STXBP5L: variants seen among roughly 807,000 people sequenced by gnomAD.
STXBP5L encodes the protein syntaxin binding protein 5L.
In STXBP5L, 65 loss-of-function variants were observed where a neutral mutation model predicts 144.5. The observed-to-expected ratio is 0.45, with a 90% CI of 0.37 to 0.55. STXBP5L has a LOEUF of 0.55. Ranked by LOEUF, STXBP5L falls within the 20% of genes least tolerant of loss-of-function variation. STXBP5L has a pLI of 0.00. For missense variants in STXBP5L, 1,298 were observed against 1,405.5 expected (o/e 0.92, Z 1.22); for synonymous variants, 505 against 469.6 (o/e 1.08, Z -0.97).
At chr3:121,014,929 A>T (rs896415881) in intron 3 of STXBP5L, among the ~76,000 whole-genome samples, 1 of 152,104 alleles carries the variant, frequency 6.6e-6, no homozygotes, top group Admixed American at 6.6e-5. Context: ...TGATAAAAAT[A>T]ATAAAGTACT....
chr3:121,204,446 A>T (rs963891086), intron 9 of STXBP5L, among the ~76,000 whole-genome samples: 2 of 152,188 alleles, frequency 1.3e-5, no homozygotes, highest in African/African-American at 4.8e-5. Flanking sequence ...GCAATTTCAG[A>T]AAGCATGCCA....
At chr3:121,154,488 C>T (rs1034627985) in intron 8 of STXBP5L, among the ~76,000 whole-genome samples, 2 of 151,772 alleles carry the variant, frequency 1.3e-5, no homozygotes, top group Non-Finnish European at 3.0e-5. Context: ...ATTCACTTGT[C>T]TGTGTCTTTC....
chr3:121,107,395 A>G (rs1046014254), intron 5 of STXBP5L, among the ~76,000 whole-genome samples: 1 of 152,078 alleles, frequency 6.6e-6, no homozygotes, highest in Middle Eastern at 3.4e-3. Context: ...TTTTTTTATA[A>G]GTTTTAAGGA....
chr3:121,045,396 A>T lies in STXBP5L; in HGVS notation c.370-39A>T, dbSNP rs566220779. Reference sequence around the variant, plus strand: ...TTGTGATTAAAAAAACCCTAAATTAAGTAAATCACACACTTACTTTATCTT... The same window carrying T: ...TTGTGATTAAAAAAACCCTAAATTATGTAAATCACACACTTACTTTATCTT... On this transcript the variant is annotated intron_variant, in intron 4 of 26. Coordinates refer to ENST00000471454, the MANE Select transcript of STXBP5L (RefSeq NM_001308330.2). 8.4e-6 allele frequency: 13 copies of T among 1,552,802 alleles called. No individual in the cohort carries two copies. The South Asian group carries it at 1.6e-4, about 19-fold the overall frequency.
chr3:121,344,019 C>G (rs1290235269), intron 20 of STXBP5L, among the ~76,000 whole-genome samples: 1 of 152,022 alleles, frequency 6.6e-6, no homozygotes, highest in Non-Finnish European at 1.5e-5. Flanking sequence ...CTACAGTAAC[C>G]AAAACAGCAT....
intron 7 of STXBP5L, among the ~76,000 whole-genome samples, chr3:121,126,848 T>C (rs1418261808): frequency 6.6e-6 from 1 of 152,218 alleles, no homozygotes; most frequent in Non-Finnish European, 1.5e-5. Flanking sequence ...TTCTTGGCTT[T>C]TTCAGAGGCT....
chr3:121,418,870 A>G (rs552527514), intron 26 of STXBP5L, among the ~76,000 whole-genome samples, 186 bp from the exon 27 acceptor site: 1 of 152,254 alleles, frequency 6.6e-6, no homozygotes, highest in Admixed American at 6.5e-5. Flanking sequence ...CTATCAGCTG[A>G]GTCTTTACAG....
chr3:121,008,177 C>T (rs1348540949), intron 3 of STXBP5L, among the ~76,000 whole-genome samples: 2 of 151,914 alleles, frequency 1.3e-5, no homozygotes, highest in African/African-American at 4.8e-5. Context: ...TAGTACTGGG[C>T]ATCGACGCCT....
intron 7 of STXBP5L, among the ~76,000 whole-genome samples, chr3:121,140,022 C>A (rs1023074218): frequency 6.6e-6 from 1 of 152,042 alleles, no homozygotes; most frequent in Admixed American, 6.6e-5. Flanking sequence ...GGAAGAATGA[C>A]ATGAAACACT....
At chr3:121,384,290 G>A (rs1389186278) in intron 22 of STXBP5L, among the ~76,000 whole-genome samples, 1 of 152,140 alleles carries the variant, frequency 6.6e-6, no homozygotes. Context: ...GGGGATTTGG[G>A]GAAGAGCTCC....
chr3:121,005,744 A>T (rs543903493), intron 3 of STXBP5L, among the ~76,000 whole-genome samples: 1 of 152,278 alleles, frequency 6.6e-6, no homozygotes, highest in Non-Finnish European at 1.5e-5. Flanking sequence ...AGATTCTGGT[A>T]TGTTGTATCT....
chr3:121,208,756 G>T (rs552033062), intron 10 of STXBP5L, among the ~76,000 whole-genome samples: 54 of 151,938 alleles, frequency 3.6e-4, no homozygotes, highest in Admixed American at 7.2e-4. Flanking sequence ...TATTTTATGG[G>T]TTTTTTTCAC....
intron 3 of STXBP5L, among the ~76,000 whole-genome samples, chr3:120,989,384 G>C (rs572645611): frequency 2.0e-5 from 3 of 151,992 alleles, no homozygotes; most frequent in Non-Finnish European, 4.4e-5. Flanking sequence ...CTGATGATTT[G>C]TGATATTGAG....
chr3:121,234,330 T>A (rs2049401785), intron 12 of STXBP5L, among the ~76,000 whole-genome samples: 1 of 152,196 alleles, frequency 6.6e-6, no homozygotes, highest in Admixed American at 6.6e-5. Context: ...TGTCTCTCCT[T>A]GGCCTGGAAT....
chr3:121,092,719 AG>A (rs2107740888), intron 5 of STXBP5L, among the ~76,000 whole-genome samples: 1 of 152,354 alleles, frequency 6.6e-6, no homozygotes, highest in South Asian at 2.1e-4. Flanking sequence ...ATCTGCAAAC[AG>A]GGACAATTTG....
chr3:121,250,631 G>T (rs1311343937), intron 14 of STXBP5L, 92 bp from the exon 15 acceptor site: 2 of 1,033,600 alleles, frequency 1.9e-6, no homozygotes, highest in Non-Finnish European at 2.9e-6. Flanking sequence ...AATCAAAATT[G>T]TATCAACAGT....
intron 5 of STXBP5L, among the ~76,000 whole-genome samples, chr3:121,084,382 C>T (rs1307466516): frequency 6.6e-6 from 1 of 152,074 alleles, no homozygotes; most frequent in African/African-American, 2.4e-5. Context: ...CAACAGGCCC[C>T]AGTGTGTGTT....
intron 9 of STXBP5L, among the ~76,000 whole-genome samples, chr3:121,172,200 G>A (rs1009750441): frequency 1.3e-5 from 2 of 152,158 alleles, no homozygotes; most frequent in Non-Finnish European, 2.9e-5. Context: ...ATGGATTAAA[G>A]ACTTAAATGT....
intron 12 of STXBP5L, among the ~76,000 whole-genome samples, chr3:121,237,364 G>T (rs1234276629): frequency 6.6e-6 from 1 of 152,180 alleles, no homozygotes; most frequent in Non-Finnish European, 1.5e-5. Context: ...GGAGTTGTAG[G>T]GATGTGAGGA....
Sources: allele counts gnomAD v4.1 joint callset (sites outside exome capture counted in the v4.1 genomes callset), GRCh38; gene constraint gnomAD v4.1.1; transcripts MANE v1.5; gene names NCBI Gene and HGNC (gene_info 2026-07-23, HGNC 2026-07-21).